The following TBX4 variants were observed in gnomAD, a reference collection of about 807,000 sequenced individuals.
TBX4 encodes the protein T-box transcription factor 4.
TBX4 carries 13 observed loss-of-function variants against 54.6 expected under a neutral mutation model. The ratio of observed to expected loss-of-function variants is 0.24; its 90% CI spans 0.15 to 0.38. The LOEUF (loss-of-function observed/expected upper bound fraction) is 0.38, where lower values mean the gene tolerates loss of function less well. Ranked by LOEUF, TBX4 falls within the 10% of genes least tolerant of loss-of-function variation. The pLI is 1.00. For missense variants in TBX4, 631 were observed against 728.5 expected (o/e 0.87, Z 1.54); for synonymous variants, 314 against 306.7 (o/e 1.02, Z -0.25).
chr17:61,471,543 A>G (rs1221219409), intron 5 of TBX4, among the ~76,000 whole-genome samples: 2 of 136,322 alleles, frequency 1.5e-5, no homozygotes, highest in African/African-American at 2.7e-5. Context: ...TCTTTTCAGC[A>G]TTTTTTTTTT....
At chr17:61,463,616 G>GCCTAGC (rs969085770) in intron 3 of TBX4, among the ~76,000 whole-genome samples, 88 of 152,376 alleles carry the variant, frequency 5.8e-4, no homozygotes, top group African/African-American at 2.1e-3. Flanking sequence ...CTCAGCCTAG[G>GCCTAGC]CTATGACGCG....
At chr17:61,473,103 T>G (rs1264273061) in intron 5 of TBX4, among the ~76,000 whole-genome samples, 1 of 152,252 alleles carries the variant, frequency 6.6e-6, no homozygotes, top group Non-Finnish European at 1.5e-5. Context: ...CCTTAAATTA[T>G]AAATTTACTT....
rs1047640692 is a variant in TBX4, at chr17:61,481,091, G to T, written c.1021+772G>T. ...TGGTCCTAGGGACTAGCCCAGCAGA[G>T]CTCCGAGATCCCCTGTACAAGTCTC... On this transcript the variant is annotated intron_variant, in intron 8 of 8. Transcript: ENST00000644296. The surrounding 1 kb of genome is among the most constrained non-coding windows in gnomAD (Gnocchi z 4.8). Among the ~76,000 whole-genome samples the T allele has an allele frequency of 5.3e-5, 8 of 152,266 alleles. No individual in the cohort carries two copies. The highest frequency in any genetic ancestry group is 3.4e-3 in the Middle Eastern group (1 of 294).
chr17:61,480,042 A>ATC lies in TBX4; in HGVS notation c.792-46_792-45dup, dbSNP rs1289213175. On this transcript the variant is annotated intron_variant, in intron 7 of 8. Transcript: ENST00000644296. This position sits in a 1 kb window ranked among gnomAD's most constrained non-coding sequence, Gnocchi z 6.2. ...ACGTGGCCTCTGTGACCCTCGATGT[A>ATC]TCTTCACTCTCTTCCTGTCTCTCCT... is the stretch of plus-strand genomic sequence containing the variant. The ATC allele has an allele frequency of 6.2e-7, 1 of 1,611,458 alleles. No individual in the cohort carries two copies. Among genetic ancestry groups the ATC allele is most frequent in the Admixed American group, 1.7e-5 (1 of 60,012 alleles).
chr17:61,471,543 ATTT>A (rs59212228), intron 5 of TBX4, among the ~76,000 whole-genome samples: 4 of 136,280 alleles, frequency 2.9e-5, no homozygotes, highest in Middle Eastern at 3.8e-3. Flanking sequence ...TCTTTTCAGC[ATTT>A]TTTTTTTTTT....
At chr17:61,473,463 C>T (rs2060595566) in intron 5 of TBX4, among the ~76,000 whole-genome samples, 1 of 152,224 alleles carries the variant, frequency 6.6e-6, no homozygotes, top group Non-Finnish European at 1.5e-5. Context: ...AGCCACTTCC[C>T]CTGCCAGGGG....
rs139863488 is a variant in TBX4, at chr17:61,468,848, A to G, written c.549+1191A>G. On this transcript the variant is annotated intron_variant, in intron 5 of 8. Coordinates refer to ENST00000644296, the MANE Select transcript of TBX4 (RefSeq NM_001321120.2). ...CCCCAAGGCATTTCAGCTGAGAGGC[A>G]GAGGGGCTTCCTGGGTCTCCCTGGG... Among the ~76,000 whole-genome samples, 8 of 152,308 alleles carry G rather than the reference A, an allele frequency of 5.3e-5. No individual in the cohort carries two copies. In the East Asian group the frequency reaches 1.5e-3, roughly 29 times the overall value.
At position 61,457,673 on chromosome 17, in the gene TBX4, G is replaced by A; in HGVS notation, c.281+42G>A. 6.3e-7 allele frequency: 1 copy of A among 1,592,772 alleles called. No individual in the cohort carries two copies. The highest frequency in any genetic ancestry group is 2.2e-5 in the East Asian group (1 of 44,642). On this transcript the variant is annotated intron_variant, in intron 3 of 8. Transcript: ENST00000644296. This position sits in a 1 kb window ranked among gnomAD's most constrained non-coding sequence, Gnocchi z 8.2. ...TTACTTCCGGGGATGGCGGTGGGGA[G>A]CAAGGGGGGCCAGGGAGGTCCCTTA...
At position 61,467,636 on chromosome 17, in the gene TBX4, C is replaced by T. The variant is rs867204636; in HGVS notation, c.528C>T (p.Asn176=). Residue 176 remains asparagine, a synonymous_variant, in exon 5 of 9, where the codon AAC becomes AAT. Transcript: ENST00000644296. The part of the protein sequence containing the change: ...VSFQKLKLTN[N]HLDPFGHIIL... ...TCCAGAAGCTGAAGCTGACAAACAA[C>T]CACCTGGACCCCTTTGGCCATGTAA... 6.2e-7 allele frequency: 1 copy of T among 1,614,238 alleles called. No homozygotes were observed. Among genetic ancestry groups the T allele is most frequent in the Admixed American group, 1.7e-5 (1 of 60,024 alleles).
chr17:61,473,203 G>A (rs952413214), intron 5 of TBX4, among the ~76,000 whole-genome samples: 26 of 152,152 alleles, frequency 1.7e-4, no homozygotes, highest in African/African-American at 5.6e-4. Context: ...GGCCCTGCAC[G>A]TTTCTTGTTA....
intron 5 of TBX4, among the ~76,000 whole-genome samples, chr17:61,473,881 G>A (rs911419462): frequency 6.6e-6 from 1 of 152,230 alleles, no homozygotes; most frequent in African/African-American, 2.4e-5. Flanking sequence ...TGTTGCTGTG[G>A]CAGAAGGCAG....
intron 8 of TBX4, among the ~76,000 whole-genome samples, chr17:61,482,132 G>C (rs2060667421): frequency 6.6e-6 from 1 of 152,168 alleles, no homozygotes; most frequent in Non-Finnish European, 1.5e-5. Context: ...GGTCAGCCCT[G>C]GATCCCAGGG....
intron 5 of TBX4, among the ~76,000 whole-genome samples, chr17:61,470,293 C>G (rs573111924): frequency 6.6e-6 from 1 of 152,344 alleles, no homozygotes; most frequent in African/African-American, 2.4e-5. Context: ...GAAGCCCTGA[C>G]TGTCGGGGAG....
chr17:61,465,944 T>C lies in TBX4; in HGVS notation c.401+6T>C, dbSNP rs767059041. The C allele has an allele frequency of 4.3e-6, 7 of 1,613,658 alleles. No individual in the cohort carries two copies. The Admixed American group carries it at 1.2e-4, about 27-fold the overall frequency. The stretch of plus-strand genomic sequence containing the variant: ...AAGTTCTGTGACAACAAATGGTAAG[T>C]GGACCCTGACCGCATCACCCACGTT... On this transcript the variant is annotated splice_donor_region_variant and intron_variant, in intron 4 of 8. Transcript: ENST00000644296. The surrounding 1 kb of genome is among the most constrained non-coding windows in gnomAD (Gnocchi z 4.9).
In TBX4 at chr17:61,457,450, G is replaced by C. The variant is rs2060460628; in HGVS notation, c.187-87G>C. 7.6e-7 allele frequency: 1 copy of C among 1,312,532 alleles called. No individual in the cohort carries two copies. Among genetic ancestry groups the C allele is most frequent in the South Asian group, 1.2e-5 (1 of 84,614 alleles). The allele number at this position is 1,312,532 out of a possible 1,614,324, so 81.3% of individuals were successfully genotyped here. On this transcript the variant is annotated intron_variant, in intron 2 of 8. Transcript: ENST00000644296. This position sits in a 1 kb window ranked among gnomAD's most constrained non-coding sequence, Gnocchi z 8.2. ...CTCCGGGCGGGCAGGGTTCCGCACA[G>C]CTCTTCGGGTCTGGTTCTTCTTTCC...
rs988062465 is a variant in TBX4, at chr17:61,479,500, C to T, written c.703-381C>T. Among the ~76,000 whole-genome samples the T allele has an allele frequency of 6.6e-6, 1 of 152,198 alleles. No homozygotes were observed. Among genetic ancestry groups the T allele is most frequent in the Non-Finnish European group, 1.5e-5 (1 of 68,032 alleles). The stretch of plus-strand genomic sequence containing the variant: ...AGACTCAGGCAGCAGGCCCGGGATG[C>T]TCACTGGGAAGATGTTACAGGTCCC... On this transcript the variant is annotated intron_variant, in intron 6 of 8. Coordinates refer to ENST00000644296, the MANE Select transcript of TBX4 (RefSeq NM_001321120.2). The surrounding 1 kb of genome is among the most constrained non-coding windows in gnomAD (Gnocchi z 6.1).
chr17:61,473,904 G>GC (rs2060598921), intron 5 of TBX4, among the ~76,000 whole-genome samples: 1 of 152,224 alleles, frequency 6.6e-6, no homozygotes, highest in African/African-American at 2.4e-5. Flanking sequence ...AGGTTTGGAG[G>GC]CCCCACGGTA....
chr17:61,477,513 C>T (rs1040988302), intron 5 of TBX4, among the ~76,000 whole-genome samples: 12 of 152,210 alleles, frequency 7.9e-5, no homozygotes, highest in Admixed American at 2.6e-4. Flanking sequence ...GAAACTGTGC[C>T]GTCTCCTACC....
rs370669286 is a variant in TBX4 at position 61,483,153 on chromosome 17, G to A, written c.1278G>A (p.Pro426=). Residue 426 remains proline, a synonymous_variant, in exon 9 of 9, where the codon CCG becomes CCA. Coordinates refer to ENST00000644296, the MANE Select transcript of TBX4 (RefSeq NM_001321120.2). This position sits in a 1 kb window ranked among gnomAD's most constrained non-coding sequence, Gnocchi z 6.6. Reference sequence around the variant, plus strand: ...GTAACATGTGGACTTCAGTGTCGCCGTACACCAGCTATAGCGTGCAGACGA... The same window carrying A: ...GTAACATGTGGACTTCAGTGTCGCCATACACCAGCTATAGCGTGCAGACGA... The part of the protein sequence containing the change: ...LSCNMWTSVS[P]YTSYSVQTME... The A allele has an allele frequency of 5.1e-5, 83 of 1,613,946 alleles. No individual in the cohort carries two copies. Among genetic ancestry groups the A allele is most frequent in the Non-Finnish European group, 6.9e-5 (81 of 1,180,026 alleles).
Sources: gnomAD v4.1 joint callset for allele counts (sites outside exome capture counted in the v4.1 genomes callset) on GRCh38, gnomAD v4.1.1 for gene constraint, Gnocchi (gnomAD v3.1) non-coding constraint, MANE v1.5 for transcripts, NCBI Gene and HGNC (gene_info 2026-07-23, HGNC 2026-07-21) for gene names.